The following ENPP1 variants were observed in gnomAD, a reference collection of about 807,000 sequenced individuals.
ENPP1 encodes the protein ectonucleotide pyrophosphatase/phosphodiesterase family member 1.
Under a neutral mutation model 122.8 loss-of-function variants are expected in ENPP1, and 73 were observed. The observed-to-expected ratio is 0.59, with a 90% CI of 0.49 to 0.72. ENPP1 has a LOEUF of 0.72. Among genes scored for constraint, ENPP1 ranks in the 30% least tolerant of loss-of-function variants. The pLI is 0.00. For synonymous variants in ENPP1, 367 were observed against 391.6 expected (o/e 0.94, Z 0.74); for missense variants, 978 against 1,128.1 (o/e 0.87, Z 1.91).
intron 1 of ENPP1, 138 bp downstream of exon 1, chr6:131,808,413 G>C: frequency 1.7e-6 from 2 of 1,148,092 alleles, no homozygotes; most frequent in Non-Finnish European, 2.3e-6. Context: ...TCGCCCGCGC[G>C]CTCTCCTCCG....
chr6:131,819,497 A>C (rs547083385), intron 1 of ENPP1, among the ~76,000 whole-genome samples: 1 of 152,344 alleles, frequency 6.6e-6, no homozygotes, highest in African/African-American at 2.4e-5. Flanking sequence ...TTGTGAATTT[A>C]ATATAAAGAT....
At chr6:131,863,905 ACT>A (rs1310330031) in intron 9 of ENPP1, among the ~76,000 whole-genome samples, 2 of 151,926 alleles carry the variant, frequency 1.3e-5, no homozygotes, top group African/African-American at 4.8e-5. Context: ...ACAGAGTGAG[ACT>A]CTGTCTCAAA....
chr6:131,839,416 A>C (rs1781713815), intron 1 of ENPP1, among the ~76,000 whole-genome samples: 1 of 151,968 alleles, frequency 6.6e-6, no homozygotes, highest in Admixed American at 6.6e-5. Flanking sequence ...GGTAGATTTC[A>C]TGGAGCTTTG....
In ENPP1 at chr6:131,869,564, C is replaced by T. The variant is rs190568288; in HGVS notation, c.1405+75C>T. The T allele has an allele frequency of 3.2e-5, 48 of 1,498,396 alleles. No homozygotes were observed. In the African/African-American group the frequency reaches 6.2e-4, roughly 19 times the overall value. The allele number at this position is 1,498,396 out of a possible 1,614,324, so 92.8% of individuals were successfully genotyped here. A position where few individuals can be genotyped will look rare whatever the true frequency, so the allele number is the denominator to read the frequency against. ...TTCCTTTAGGCCGGGCACAGTGGCT[C>T]ATGCCTGTAATCGCAGCACTTTGGG... On this transcript the variant is annotated intron_variant, in intron 13 of 24. Coordinates refer to ENST00000647893, the MANE Select transcript of ENPP1 (RefSeq NM_006208.3).
rs1001040003 is a variant in ENPP1, at chr6:131,830,144, G to T, written c.241-17632G>T. On this transcript the variant is annotated intron_variant, in intron 1 of 24. Coordinates refer to ENST00000647893, the MANE Select transcript of ENPP1 (RefSeq NM_006208.3). ...AGACAAGGAATTGGGGTCATACAGAGGATGACTGTGAGCTGCAGTGCTCAT... is the reference window on the plus strand; with the variant it reads ...AGACAAGGAATTGGGGTCATACAGATGATGACTGTGAGCTGCAGTGCTCAT... Among the ~76,000 whole-genome samples, 62 of 152,174 alleles carry T rather than the reference G, an allele frequency of 4.1e-4. 2 individuals are homozygous for T. Among genetic ancestry groups the T allele is most frequent in the Non-Finnish European group, 1.5e-4 (10 of 68,024 alleles).
At chr6:131,831,508 G>A (rs1775421111) in intron 1 of ENPP1, among the ~76,000 whole-genome samples, 1 of 152,086 alleles carries the variant, frequency 6.6e-6, no homozygotes, top group South Asian at 2.1e-4. Flanking sequence ...ACACTGAGTT[G>A]TCAGGCCTCC....
chr6:131,856,276 A>T (rs1408227810), intron 6 of ENPP1, among the ~76,000 whole-genome samples: 1 of 151,870 alleles, frequency 6.6e-6, no homozygotes, highest in Non-Finnish European at 1.5e-5. Context: ...TTTTGGCTGC[A>T]TAAATGTCTT....
Position 131,886,560 on chromosome 6 carries a change from A to G in ENPP1, c.2445-2A>G. The G allele has an allele frequency of 6.2e-7, 1 of 1,607,714 alleles. No homozygotes were observed. The highest frequency in any genetic ancestry group is 8.5e-7 in the Non-Finnish European group (1 of 1,174,250). On this transcript the variant is annotated splice_acceptor_variant, in intron 23 of 24. Coordinates refer to ENST00000647893, the MANE Select transcript of ENPP1 (RefSeq NM_006208.3). LOFTEE classifies it high-confidence loss of function. The stretch of plus-strand genomic sequence containing the variant: ...TAAAATGAATATTGGCATGTTTTAC[A>G]GAAAAAGAAGAGTCATCCGTAACCA...
chr6:131,873,128 A>G, intron 15 of ENPP1, 78 bp downstream of exon 15: 4 of 1,474,838 alleles, frequency 2.7e-6, no homozygotes, highest in Non-Finnish European at 3.8e-6. Flanking sequence ...CCTTTCTAAC[A>G]ATATTGTTAT....
rs570984844 is a variant in ENPP1 at position 131,854,066 on chromosome 6, G to C, written c.618-860G>C. 8.6e-4 allele frequency among the ~76,000 whole-genome samples: 130 copies of C among 152,008 alleles called. 1 individual carries two copies. Among genetic ancestry groups the C allele is most frequent in the African/African-American group, 3.0e-3 (123 of 41,444 alleles). ...TAAATATAGTATCTCTCAAACTTTT[G>C]TATTAAGTATTTATATCTTTTAAAT... On this transcript the variant is annotated intron_variant, in intron 5 of 24. Transcript: ENST00000647893.
intron 1 of ENPP1, chr6:131,820,633 T>C (rs1339275920): frequency 6.6e-6 from 1 of 152,244 alleles, no homozygotes; most frequent in African/African-American, 2.4e-5. Flanking sequence ...TACATTCTTT[T>C]ATAAATTTCA....
chr6:131,824,173 C>T (rs1012551152), intron 1 of ENPP1, among the ~76,000 whole-genome samples: 2 of 152,036 alleles, frequency 1.3e-5, no homozygotes, highest in African/African-American at 4.8e-5. Flanking sequence ...TCTCAAGTTG[C>T]AGCTGAAATA....
intron 1 of ENPP1, chr6:131,827,910 CA>C: frequency 8.1e-7 from 1 of 1,233,238 alleles, no homozygotes; most frequent in Non-Finnish European, 1.2e-6. Flanking sequence ...CTGTTTCTGA[CA>C]GGGTGCAGGT....
intron 1 of ENPP1, among the ~76,000 whole-genome samples, chr6:131,845,764 A>G (rs1781802356): frequency 6.6e-6 from 1 of 151,888 alleles, no homozygotes; most frequent in Admixed American, 6.6e-5. Context: ...ATTTTTAGAG[A>G]TTATCTTTCC....
intron 6 of ENPP1, among the ~76,000 whole-genome samples, chr6:131,856,594 G>A (rs1781949344): frequency 7.0e-6 from 1 of 143,622 alleles, no homozygotes; most frequent in South Asian, 2.1e-4. Context: ...CAATGCCTAG[G>A]TTTTCTTCTA....
chr6:131,818,638 ACT>A (rs781403283), intron 1 of ENPP1, among the ~76,000 whole-genome samples: 37 of 115,772 alleles, frequency 3.2e-4, no homozygotes, highest in Non-Finnish European at 6.1e-4. Context: ...ACACAGCGAG[ACT>A]CTGTCTCAAA....
rs533420799 is a variant in ENPP1, at chr6:131,853,838, A to C, written c.618-1088A>C. Among the ~76,000 whole-genome samples, 18 of 152,246 alleles carry C rather than the reference A, an allele frequency of 1.2e-4. 1 individual carries two copies. The highest frequency in any genetic ancestry group is 3.4e-3 in the Middle Eastern group (1 of 294). Reference sequence around the variant, plus strand: ...ATCACTAGATGCTGAAAAATTTCTGAGCCATGGCCGTTTTGGGGTAGCCAC... The same window carrying C: ...ATCACTAGATGCTGAAAAATTTCTGCGCCATGGCCGTTTTGGGGTAGCCAC... On this transcript the variant is annotated intron_variant, in intron 5 of 24. Transcript: ENST00000647893.
chr6:131,883,111 T>C (rs180881228), intron 21 of ENPP1, among the ~76,000 whole-genome samples: 1 of 152,326 alleles, frequency 6.6e-6, no homozygotes, highest in African/African-American at 2.4e-5. Flanking sequence ...AGAAGCCATT[T>C]TGGGGCCAGC....
At chr6:131,826,619 G>A (rs1356916461) in intron 1 of ENPP1, 5 of 928,702 alleles carry the variant, frequency 5.4e-6, no homozygotes, top group Non-Finnish European at 8.4e-6. Flanking sequence ...CAGCTGATCA[G>A]TTCTAGGCTT....
Sources: gnomAD v4.1 joint callset for allele counts (sites outside exome capture counted in the v4.1 genomes callset) on GRCh38, gnomAD v4.1.1 for gene constraint, MANE v1.5 for transcripts, NCBI Gene and HGNC (gene_info 2026-07-23, HGNC 2026-07-21) for gene names.